The following PARP1 variants were observed in gnomAD, a reference collection of about 807,000 sequenced individuals.
PARP1 encodes the protein poly(ADP-ribose) polymerase 1, also known as poly [ADP-ribose] polymerase 1.
In PARP1, 44 loss-of-function variants were observed where a neutral mutation model predicts 118.7. That is an observed-to-expected ratio of 0.37 (90% CI 0.29 to 0.48). The LOEUF is 0.48. PARP1 is among the 20% of genes least tolerant of loss of function. The probability of loss-of-function intolerance (pLI) is 0.99; values close to 1 mark genes in which losing one functional copy is unlikely to be tolerated. For synonymous variants in PARP1, 492 were observed against 483.2 expected, an observed-to-expected ratio of 1.02 and a Z score of -0.24; for missense variants, 1,100 against 1,272.4, an observed-to-expected ratio of 0.86 and a Z score of 2.06.
rs142957367 is a variant in PARP1 at position 226,385,238 on chromosome 1, T to G, written c.1011+266A>C. 2.5e-3 allele frequency among the ~76,000 whole-genome samples: 380 copies of G among 152,352 alleles called. 3 individuals are homozygous for G. Among genetic ancestry groups the G allele is most frequent in the Non-Finnish European group, 1.4e-3 (95 of 68,032 alleles). On this transcript the variant is annotated intron_variant, in intron 7 of 22. Transcript: ENST00000366794. ...AACTGTGCCTGGCACATAGGAGGCATTCAATAGATAAAAACTATTCATGGT... is the reference window on the plus strand; with the variant it reads ...AACTGTGCCTGGCACATAGGAGGCAGTCAATAGATAAAAACTATTCATGGT...
At chr1:226,387,224 C>T (rs551617051) in intron 5 of PARP1, among the ~76,000 whole-genome samples, 7 of 152,326 alleles carry the variant, frequency 4.6e-5, no homozygotes, top group Non-Finnish European at 1.0e-4. Context: ...CTCAAGTGAT[C>T]CGCCTGCCTC....
chr1:226,364,184 T>G (rs1325021132), intron 19 of PARP1, 114 bp from the exon 20 acceptor site: 15 of 1,009,814 alleles, frequency 1.5e-5, no homozygotes, highest in Non-Finnish European at 2.3e-5. Context: ...ATCCATCACT[T>G]CTAATTCTCA....
chr1:226,393,084 A>C (rs532999583), intron 2 of PARP1: 1 of 1,098,230 alleles, frequency 9.1e-7, no homozygotes, highest in African/African-American at 1.6e-5. Flanking sequence ...GATATTCCTA[A>C]GAGATATCTT....
At chr1:226,391,551 T>C (rs188496512) in intron 3 of PARP1, among the ~76,000 whole-genome samples, 22 of 152,334 alleles carry the variant, frequency 1.4e-4, no homozygotes, top group African/African-American at 4.8e-4. Flanking sequence ...CCTTAAATTT[T>C]TGGTGGTTGA....
intron 2 of PARP1, among the ~76,000 whole-genome samples, chr1:226,394,396 GA>G (rs1664876006): frequency 6.6e-6 from 1 of 152,178 alleles, no homozygotes; most frequent in South Asian, 2.1e-4. Flanking sequence ...TGTTAGTAGA[GA>G]AATGGGTATA....
At chr1:226,403,227 T>C (rs759035112) in intron 1 of PARP1, among the ~76,000 whole-genome samples, 6 of 152,222 alleles carry the variant, frequency 3.9e-5, no homozygotes, top group Admixed American at 6.5e-5. Context: ...AGTCTTGCAC[T>C]GAGTGCAGTG....
Position 226,361,387 on chromosome 1 carries a change from G to T in PARP1, c.*73C>A. On this transcript the variant is annotated 3_prime_UTR_variant, in exon 23 of 23. Coordinates refer to ENST00000366794, the MANE Select transcript of PARP1 (RefSeq NM_001618.4). ...TACCCATCAGCAACTTAGCGGCCAG[G>T]TGAGTTGGTGCAGAAGCGCTTCGGG... 1 of 944,486 alleles carries T rather than the reference G, an allele frequency of 1.1e-6. No individual in the cohort carries two copies. The highest frequency in any genetic ancestry group is 1.7e-6 in the Non-Finnish European group (1 of 578,898). The allele number at this position is 944,486 out of a possible 1,614,324, so 58.5% of individuals were successfully genotyped here. A position where few individuals can be genotyped will look rare whatever the true frequency, so the allele number is the denominator to read the frequency against.
intron 13 of PARP1, among the ~76,000 whole-genome samples, chr1:226,375,061 T>C (rs1301684899): frequency 6.6e-6 from 1 of 152,248 alleles, no homozygotes; most frequent in African/African-American, 2.4e-5. Context: ...TCCAGCACAG[T>C]GTCCCTAGCA....
At chr1:226,367,869 A>G (rs1475388244) in intron 16 of PARP1, among the ~76,000 whole-genome samples, 1 of 152,152 alleles carries the variant, frequency 6.6e-6, no homozygotes, top group Non-Finnish European at 1.5e-5. Context: ...GACATTTGGG[A>G]CCTACAGTGA....
chr1:226,369,796 A>G (rs931342225), intron 15 of PARP1, among the ~76,000 whole-genome samples: 4 of 152,088 alleles, frequency 2.6e-5, no homozygotes, highest in Middle Eastern at 3.4e-3. Flanking sequence ...CTCTACTAAA[A>G]ATACAAAAAA....
Position 226,361,466 on chromosome 1 carries a change from C to T in PARP1, c.3039G>A (p.Leu1013=), listed in dbSNP as rs1243514471. 6.2e-7 allele frequency: 1 copy of T among 1,605,462 alleles called. No individual in the cohort carries two copies. Among genetic ancestry groups the T allele is most frequent in the African/African-American group, 1.3e-5 (1 of 74,720 alleles). ...LKLKFNFKTS[L]W The stretch of plus-strand genomic sequence containing the variant: ...ACTCGGCTACCTCTCCCAATTACCA[C>T]AGGGAGGTCTTAAAATTGAATTTCA... Residue 1013 remains leucine (L), a synonymous_variant, in exon 23 of 23, where the codon CTG becomes CTA. Coordinates refer to ENST00000366794, the MANE Select transcript of PARP1 (RefSeq NM_001618.4).
At chr1:226,368,165 C>T (rs374891108) in intron 16 of PARP1, 34 bp downstream of exon 16, 1 of 1,613,652 alleles carries the variant, frequency 6.2e-7, no homozygotes, top group African/African-American at 1.3e-5. Flanking sequence ...CCCAGCCCAG[C>T]AGACCTGCAG....
intron 7 of PARP1, among the ~76,000 whole-genome samples, chr1:226,384,826 T>G (rs1318441067): frequency 1.3e-5 from 2 of 152,278 alleles, no homozygotes; most frequent in East Asian, 3.9e-4. Flanking sequence ...TTCCTGAGTG[T>G]GTACTGTGTG....
At chr1:226,368,576 G>A (rs536482560) in intron 15 of PARP1, among the ~76,000 whole-genome samples, 1 of 152,290 alleles carries the variant, frequency 6.6e-6, no homozygotes, top group Non-Finnish European at 1.5e-5. Flanking sequence ...AAAGAACTGT[G>A]CAGTTACAGA....
intron 13 of PARP1, 73 bp from the exon 14 acceptor site, chr1:226,374,427 G>A: frequency 6.4e-7 from 1 of 1,573,686 alleles, no homozygotes; most frequent in Non-Finnish European, 8.7e-7. Context: ...CTGTGGGGCT[G>A]GACTGCAGAC....
Position 226,382,565 on chromosome 1 carries a change from C to T in PARP1, c.1159+471G>A, listed in dbSNP as rs369220081. ...TTTTAGAGATAGGGTATCACTCCATCGCCCAAGCTGGTGTGCATTAGCGTG... is the reference window on the plus strand; with the variant it reads ...TTTTAGAGATAGGGTATCACTCCATTGCCCAAGCTGGTGTGCATTAGCGTG... On this transcript the variant is annotated intron_variant, in intron 8 of 22. Transcript: ENST00000366794. Among the ~76,000 whole-genome samples the T allele has an allele frequency of 2.0e-4, 31 of 152,316 alleles. No individual in the cohort carries two copies. The East Asian group carries it at 2.3e-3, about 11-fold the overall frequency.
intron 1 of PARP1, among the ~76,000 whole-genome samples, chr1:226,404,653 A>G (rs1037235621): frequency 1.3e-5 from 2 of 152,208 alleles, no homozygotes; most frequent in African/African-American, 4.8e-5. Flanking sequence ...GACCAAAGCA[A>G]TGCTTTGCCC....
chr1:226,401,323 G>T (rs1172052888), intron 2 of PARP1, among the ~76,000 whole-genome samples: 3 of 152,360 alleles, frequency 2.0e-5, no homozygotes, highest in Admixed American at 6.5e-5. Context: ...TTATGGCTCT[G>T]TGACTGCTCC....
At chr1:226,363,556 ATGGAGAATC>A (rs1310665696) in intron 20 of PARP1, among the ~76,000 whole-genome samples, 1 of 152,176 alleles carries the variant, frequency 6.6e-6, no homozygotes, top group African/African-American at 2.4e-5. Flanking sequence ...ATCTTTCTCT[ATGGAGAATC>A]TGGAAGTGGA....
Sources: gnomAD v4.1 joint callset for allele counts (sites outside exome capture counted in the v4.1 genomes callset) on GRCh38, gnomAD v4.1.1 for gene constraint, MANE v1.5 for transcripts, NCBI Gene and HGNC (gene_info 2026-07-23, HGNC 2026-07-21) for gene names.